Variants in PARD3B observed in about 807,000 individuals in gnomAD.
The protein encoded by PARD3B is par-3 family cell polarity regulator beta, also known as partitioning defective 3 homolog B.
In PARD3B, 103 loss-of-function variants were observed where a neutral mutation model predicts 130.2. The ratio of observed to expected loss-of-function variants is 0.79; its 90% CI spans 0.67 to 0.93. The LOEUF (loss-of-function observed/expected upper bound fraction) is 0.93. PARD3B is among the 40% of genes least tolerant of loss of function. PARD3B has a pLI of 0.00. For missense variants in PARD3B, 1,609 were observed against 1,499.2 expected (o/e 1.07, Z -1.21); for synonymous variants, 583 against 553.2 (o/e 1.05, Z -0.76).
In PARD3B at chr2:204,929,623, A is replaced by T. The variant is rs573345579; in HGVS notation, c.223-35529A>T. Among the ~76,000 whole-genome samples, 263 of 148,648 alleles carry T rather than the reference A, an allele frequency of 1.8e-3. 1 individual carries two copies. The highest frequency in any genetic ancestry group is 6.2e-3 in the African/African-American group (250 of 40,602). The stretch of plus-strand genomic sequence containing the variant: ...AGTTTCAATAAATGTAAATTGAATA[A>T]TTTTTTTTTTTGGTTTTATAGATTG... On this transcript the variant is annotated intron_variant, in intron 2 of 22. Transcript: ENST00000406610.
At chr2:205,106,368 C>T (rs1383653021) in intron 5 of PARD3B, among the ~76,000 whole-genome samples, 2 of 151,988 alleles carry the variant, frequency 1.3e-5, no homozygotes, top group South Asian at 2.1e-4. Flanking sequence ...AGGCTGGTCT[C>T]GAACTCCTAA....
At chr2:205,548,144 G>A (rs1258142615) in intron 21 of PARD3B, among the ~76,000 whole-genome samples, 4 of 152,212 alleles carry the variant, frequency 2.6e-5, no homozygotes, top group African/African-American at 9.6e-5. Flanking sequence ...AAATGATGGT[G>A]TTCCTAAGAA....
In PARD3B at chr2:205,057,183, T is replaced by C. The variant is rs1024231932; in HGVS notation, c.504+9493T>C. ...TTCATGAATAAAATTATGATATACC[T>C]ACATATATGAATATATTTACAAATC... On this transcript the variant is annotated intron_variant, in intron 4 of 22. Coordinates refer to ENST00000406610, the MANE Select transcript of PARD3B (RefSeq NM_001302769.2). Among the ~76,000 whole-genome samples the C allele has an allele frequency of 2.0e-5, 3 of 151,314 alleles. No individual in the cohort carries two copies. In the East Asian group the frequency reaches 5.8e-4, roughly 29 times the overall value.
intron 14 of PARD3B, among the ~76,000 whole-genome samples, chr2:205,191,703 G>C (rs1019042091): frequency 1.3e-5 from 2 of 152,186 alleles, no homozygotes; most frequent in Non-Finnish European, 2.9e-5. Flanking sequence ...GTGAGGTAGA[G>C]AGTGTAATTT....
chr2:205,484,072 G>A (rs545313381), intron 20 of PARD3B, among the ~76,000 whole-genome samples: 3 of 152,124 alleles, frequency 2.0e-5, no homozygotes, highest in South Asian at 4.1e-4. Flanking sequence ...AAAATACCAC[G>A]GACAATATTA....
intron 18 of PARD3B, among the ~76,000 whole-genome samples, chr2:205,368,264 T>C (rs540764997): frequency 6.6e-6 from 1 of 152,354 alleles, no homozygotes; most frequent in East Asian, 1.9e-4. Flanking sequence ...AAGGATTTTG[T>C]ATTTCCACTT....
rs1235261517 is a variant in PARD3B, at chr2:205,288,510, A to G, written c.2186-12020A>G. ...TATTTTTTCTCTGAATACCAATATC[A>G]TCAAGCGTTTACTCTGGTAAAAAAA... On this transcript the variant is annotated intron_variant, in intron 16 of 22. Transcript: ENST00000406610. This position sits in a 1 kb window ranked among gnomAD's most constrained non-coding sequence, Gnocchi z 4.0. Among the ~76,000 whole-genome samples the G allele has an allele frequency of 6.6e-6, 1 of 152,136 alleles. No homozygotes were observed. The highest frequency in any genetic ancestry group is 1.5e-5 in the Non-Finnish European group (1 of 68,018).
chr2:204,648,626 T>TTATATATAATATATATTA (rs1222408472), intron 1 of PARD3B, among the ~76,000 whole-genome samples: 1 of 120,026 alleles, frequency 8.3e-6, no homozygotes, highest in Non-Finnish European at 1.6e-5. Context: ...ATACTATAAT[T>TTATATATAATATATATTA]TATATATAAT....
intron 2 of PARD3B, among the ~76,000 whole-genome samples, chr2:204,860,351 C>T (rs2045133103): frequency 6.6e-6 from 1 of 152,178 alleles, no homozygotes; most frequent in African/African-American, 2.4e-5. Flanking sequence ...TTTGCTTGCT[C>T]TCTCTTCTGG....
intron 2 of PARD3B, among the ~76,000 whole-genome samples, chr2:204,739,866 G>A (rs1309237126): frequency 2.0e-5 from 3 of 151,756 alleles, no homozygotes; most frequent in Non-Finnish European, 1.5e-5. Context: ...TCCTTTTTAA[G>A]AATAAAGCTT....
rs1195743621 is a variant in PARD3B at position 205,445,618 on chromosome 2, C to G, written c.3044+4946C>G. 2.0e-5 allele frequency among the ~76,000 whole-genome samples: 3 copies of G among 152,208 alleles called. No individual in the cohort carries two copies. The East Asian group carries it at 5.8e-4, about 29-fold the overall frequency. On this transcript the variant is annotated intron_variant, in intron 20 of 22. Transcript: ENST00000406610. ...AAATCCACCCCCATGATCCAATCAT[C>G]TCCCACCAGGCCCCACTTCCAACAC... is the stretch of plus-strand genomic sequence containing the variant.
chr2:205,454,169 C>T (rs1046127087), intron 20 of PARD3B, among the ~76,000 whole-genome samples: 3 of 151,844 alleles, frequency 2.0e-5, no homozygotes, highest in African/African-American at 7.3e-5. Flanking sequence ...CACACTTACT[C>T]CAGGCCTCTT....
intron 1 of PARD3B, among the ~76,000 whole-genome samples, chr2:204,639,132 G>A (rs549562238): frequency 7.2e-5 from 11 of 152,278 alleles, no homozygotes; most frequent in Admixed American, 5.9e-4. Context: ...AGGGATTGGG[G>A]AAAATGAACA....
At position 205,343,788 on chromosome 2, in the gene PARD3B, C is replaced by A. The variant is rs189255780; in HGVS notation, c.2630+42087C>A. Among the ~76,000 whole-genome samples, 15 of 152,078 alleles carry A rather than the reference C, an allele frequency of 9.9e-5. No homozygotes were observed. In the East Asian group the frequency reaches 2.1e-3, roughly 22 times the overall value. The stretch of plus-strand genomic sequence containing the variant: ...CCCTGCCTTCCTTACCACCACCCCC[C>A]ACCCACAATATCTTCTCTTTCTCTC... On this transcript the variant is annotated intron_variant, in intron 18 of 22. Transcript: ENST00000406610.
In PARD3B at chr2:205,258,578, A is replaced by T. The variant is rs1362345724; in HGVS notation, c.2185+12756A>T. On this transcript the variant is annotated intron_variant, in intron 16 of 22. Coordinates refer to ENST00000406610, the MANE Select transcript of PARD3B (RefSeq NM_001302769.2). The surrounding 1 kb of genome is among the most constrained non-coding windows in gnomAD (Gnocchi z 4.9). ...TCCCCTACCTCCAGAAGTGAGCTTC[A>T]TGAAGGCAGAGACTTTGTATCCCCA... Among the ~76,000 whole-genome samples the T allele has an allele frequency of 6.6e-6, 1 of 152,210 alleles. No individual in the cohort carries two copies. The highest frequency in any genetic ancestry group is 1.5e-5 in the Non-Finnish European group (1 of 68,040).
chr2:205,017,272 T>C (rs1271921137), intron 3 of PARD3B, among the ~76,000 whole-genome samples: 1 of 152,136 alleles, frequency 6.6e-6, no homozygotes, highest in East Asian at 1.9e-4. Context: ...AATGTGAACA[T>C]AGTAGTTACT....
intron 20 of PARD3B, among the ~76,000 whole-genome samples, chr2:205,459,278 T>C (rs965754654): frequency 5.9e-5 from 9 of 152,198 alleles, no homozygotes; most frequent in African/African-American, 1.9e-4. Flanking sequence ...AGTTCTCCAA[T>C]GCCTTCAAGT....
At position 205,564,556 on chromosome 2, in the gene PARD3B, A is replaced by G. The variant is rs1666678424; in HGVS notation, c.3260+11153A>G. On this transcript the variant is annotated intron_variant, in intron 22 of 22. Transcript: ENST00000406610. The surrounding 1 kb of genome is among the most constrained non-coding windows in gnomAD (Gnocchi z 4.6). Reference sequence around the variant, plus strand: ...CCAGGAAACTATTGTTGGTTCTTTCACAGTGTAGTTCTGGCACATCCTTAG... The same window carrying G: ...CCAGGAAACTATTGTTGGTTCTTTCGCAGTGTAGTTCTGGCACATCCTTAG... Among the ~76,000 whole-genome samples, 1 of 152,158 alleles carries G rather than the reference A, an allele frequency of 6.6e-6. No individual in the cohort carries two copies. Among genetic ancestry groups the G allele is most frequent in the Admixed American group, 6.5e-5 (1 of 15,274 alleles).
intron 1 of PARD3B, among the ~76,000 whole-genome samples, chr2:204,636,795 C>T (rs879551028): frequency 1.3e-5 from 2 of 152,110 alleles, no homozygotes; most frequent in Non-Finnish European, 2.9e-5. Context: ...TAAACTCACC[C>T]TGTACTGTTT....
Sources: gnomAD v4.1 joint callset for allele counts (sites outside exome capture counted in the v4.1 genomes callset) on GRCh38, gnomAD v4.1.1 for gene constraint, Gnocchi (gnomAD v3.1) non-coding constraint, MANE v1.5 for transcripts, NCBI Gene and HGNC (gene_info 2026-07-23, HGNC 2026-07-21) for gene names.